MTSS1: variants seen among roughly 807,000 people sequenced by gnomAD.
MTSS1 encodes the protein MTSS I-BAR domain containing 1, also known as protein MTSS 1.
A neutral mutation model predicts 79.0 loss-of-function variants in MTSS1; 18 were observed. That is an observed-to-expected ratio of 0.23 (90% CI 0.16 to 0.34). The LOEUF (loss-of-function observed/expected upper bound fraction) is 0.34, where lower values mean the gene tolerates loss of function less well. MTSS1 is among the 10% of genes least tolerant of loss of function. The pLI, the probability that MTSS1 is intolerant of heterozygous loss-of-function variation, is 1.00. For missense variants in MTSS1, 815 were observed against 986.2 expected, an observed-to-expected ratio of 0.83 and a Z score of 2.33; for synonymous variants, 341 against 368.6, an observed-to-expected ratio of 0.93 and a Z score of 0.86.
chr8:124,630,514 A>G lies in MTSS1; in HGVS notation c.209-39279T>C, dbSNP rs1271131392. 3.3e-5 allele frequency among the ~76,000 whole-genome samples: 5 copies of G among 152,172 alleles called. No homozygotes were observed. The South Asian group carries it at 1.0e-3, about 32-fold the overall frequency. On this transcript the variant is annotated intron_variant, in intron 3 of 13. Transcript: ENST00000518547. ...GATCATGGAGCCCCAGCACTGCCTGACCCACTGCATCACCGCCCACATTTT... is the reference window on the plus strand; with the variant it reads ...GATCATGGAGCCCCAGCACTGCCTGGCCCACTGCATCACCGCCCACATTTT...
intron 3 of MTSS1, among the ~76,000 whole-genome samples, chr8:124,635,169 C>T (rs755083085): frequency 6.6e-6 from 1 of 152,142 alleles, no homozygotes; most frequent in Non-Finnish European, 1.5e-5. Flanking sequence ...GCTCTTTCTT[C>T]CTATAAGTAA....
At chr8:124,665,047 A>G (rs1054269294) in intron 3 of MTSS1, among the ~76,000 whole-genome samples, 1 of 151,898 alleles carries the variant, frequency 6.6e-6, no homozygotes, top group Non-Finnish European at 1.5e-5. Flanking sequence ...GGAAATAAGC[A>G]TTTTTTTTAT....
At chr8:124,567,739 C>A in intron 7 of MTSS1, 1 of 1,517,906 alleles carries the variant, frequency 6.6e-7, no homozygotes. Flanking sequence ...GACCACGGGC[C>A]GGGCTAGAAC....
At chr8:124,689,342 A>G (rs1827551524) in intron 3 of MTSS1, among the ~76,000 whole-genome samples, 1 of 152,158 alleles carries the variant, frequency 6.6e-6, no homozygotes, top group Non-Finnish European at 1.5e-5. Flanking sequence ...AGTATCTTCA[A>G]GTTCACATTT....
intron 1 of MTSS1, among the ~76,000 whole-genome samples, chr8:124,711,460 C>T (rs1390162703): frequency 6.6e-6 from 1 of 152,182 alleles, no homozygotes; most frequent in African/African-American, 2.4e-5. Context: ...CAAGTGTTCC[C>T]TGATTCTGGG....
chr8:124,568,960 G>T (rs910833025), intron 6 of MTSS1: 13 of 791,876 alleles, frequency 1.6e-5, no homozygotes, highest in Non-Finnish European at 2.0e-5. Context: ...GGCTGGCTTT[G>T]TTGGGTCAAT....
At chr8:124,666,026 G>A (rs1173408155) in intron 3 of MTSS1, among the ~76,000 whole-genome samples, 1 of 152,224 alleles carries the variant, frequency 6.6e-6, no homozygotes, top group East Asian at 1.9e-4. Context: ...TCACAAAGCT[G>A]TTGTGAGAAT....
chr8:124,694,407 G>A (rs1293613066), intron 3 of MTSS1, among the ~76,000 whole-genome samples: 9 of 151,888 alleles, frequency 5.9e-5, no homozygotes, highest in African/African-American at 2.2e-4. Context: ...TCCAATGCCT[G>A]AGGAAGGCAT....
intron 3 of MTSS1, among the ~76,000 whole-genome samples, chr8:124,617,738 A>T (rs1037326689): frequency 1.3e-5 from 2 of 152,156 alleles, no homozygotes; most frequent in African/African-American, 2.4e-5. Flanking sequence ...GACCTCAGAG[A>T]TCCAAGAAAG....
intron 3 of MTSS1, among the ~76,000 whole-genome samples, chr8:124,594,671 A>C (rs1832447399): frequency 6.6e-6 from 1 of 152,236 alleles, no homozygotes; most frequent in African/African-American, 2.4e-5. Flanking sequence ...AAAGAACCAC[A>C]AAGAAAACTT....
At position 124,555,894 on chromosome 8, in the gene MTSS1, T is replaced by C. The variant is rs1311008369; in HGVS notation, c.1415A>G (p.Glu472Gly). The stretch of plus-strand genomic sequence containing the variant: ...GGCCAGCTCCTCACAAGCCTCCATC[T>C]CCTCACCAGGCTGCAGGTTGGAGGA... ...TVSAATRPGE[E>G]MEACEELALA... Residue 472 changes from glutamate to glycine, a missense_variant, in exon 13 of 14, where the codon GAG (glutamate) becomes GGG (glycine). Physicochemically the swap from Glu to Gly is moderately conservative, Grantham distance 98. Around this residue, in one of 2 missense-constraint regions of MTSS1, gnomAD observed 590 missense variants for 620.8 expected, o/e 0.95. Coordinates refer to ENST00000518547, the MANE Select transcript of MTSS1 (RefSeq NM_014751.6). 1 of 1,607,970 alleles carries C rather than the reference T, an allele frequency of 6.2e-7. No individual in the cohort carries two copies.
intron 3 of MTSS1, among the ~76,000 whole-genome samples, chr8:124,684,163 AT>A (rs1268830013): frequency 1.3e-5 from 2 of 152,090 alleles, no homozygotes; most frequent in African/African-American, 2.4e-5. Context: ...TAAGCTTCTT[AT>A]TTTTTAGTGT....
chr8:124,653,618 G>A (rs774643407), intron 3 of MTSS1, among the ~76,000 whole-genome samples: 1 of 152,224 alleles, frequency 6.6e-6, no homozygotes, highest in Non-Finnish European at 1.5e-5. Flanking sequence ...CAGCTACTTG[G>A]GAGGCTGAGG....
At position 124,568,555 on chromosome 8, in the gene MTSS1, C is replaced by G; in HGVS notation, c.461-19G>C. On this transcript the variant is annotated intron_variant, in intron 6 of 13. Transcript: ENST00000518547. ...CCTCTCCCTGCAAAAAACAGAGACC[C>G]AAGCACGGCTTGCTGAAATACCAGC... is the stretch of plus-strand genomic sequence containing the variant. The G allele has an allele frequency of 6.2e-7, 1 of 1,614,146 alleles. No homozygotes were observed. Among genetic ancestry groups the G allele is most frequent in the African/African-American group, 1.3e-5 (1 of 75,028 alleles).
At position 124,553,336 on chromosome 8, in the gene MTSS1, C is replaced by T. The variant is rs368168972; in HGVS notation, c.1924G>A (p.Glu642Lys). 2.0e-5 allele frequency: 32 copies of T among 1,613,386 alleles called. No individual in the cohort carries two copies. Among genetic ancestry groups the T allele is most frequent in the African/African-American group, 2.7e-5 (2 of 74,878 alleles). The change falls in exon 14 of 14, where the codon GAG (glutamate) becomes AAG (lysine). Residue 642 changes from glutamate to lysine, a missense_variant. Glu to Lys is a moderately conservative substitution (Grantham distance 56, BLOSUM62 1). Around this residue, in one of 2 missense-constraint regions of MTSS1, gnomAD observed 590 missense variants for 620.8 expected, o/e 0.95. Transcript: ENST00000518547. The surrounding 1 kb of genome is among the most constrained non-coding windows in gnomAD (Gnocchi z 6.0). ...ACAGATGGCGACTCAGGGCTGTGCTCCCCCCGCTCTTCTGGCCCATCTGGA... is the reference window on the plus strand; with the variant it reads ...ACAGATGGCGACTCAGGGCTGTGCTTCCCCCGCTCTTCTGGCCCATCTGGA... ...APPDGPEERGEHSPESPSVGE... is the reference protein window; with the variant it reads ...APPDGPEERGKHSPESPSVGE...
chr8:124,720,869 A>C (rs1832807937), intron 1 of MTSS1, among the ~76,000 whole-genome samples: 1 of 152,208 alleles, frequency 6.6e-6, no homozygotes, highest in South Asian at 2.1e-4. Context: ...CTTCACAAGC[A>C]ATGTTTCACT....
chr8:124,606,529 C>A lies in MTSS1; in HGVS notation c.209-15294G>T, dbSNP rs763810492. ...GTTAAGTAACTTGCCCAAGGTCACA[C>A]AGAATTCAGAATTTACATCCAGGGC... On this transcript the variant is annotated intron_variant, in intron 3 of 13. Coordinates refer to ENST00000518547, the MANE Select transcript of MTSS1 (RefSeq NM_014751.6). Among the ~76,000 whole-genome samples the A allele has an allele frequency of 6.3e-4, 96 of 152,148 alleles. 1 individual carries two copies. The highest frequency in any genetic ancestry group is 8.8e-4 in the Non-Finnish European group (60 of 68,018).
chr8:124,691,762 G>A (rs950032886), intron 3 of MTSS1, among the ~76,000 whole-genome samples: 3 of 151,956 alleles, frequency 2.0e-5, no homozygotes, highest in African/African-American at 7.2e-5. Flanking sequence ...GTGATCCACC[G>A]GCCCCTGCCT....
At chr8:124,595,464 C>T (rs1333361600) in intron 3 of MTSS1, among the ~76,000 whole-genome samples, 1 of 152,180 alleles carries the variant, frequency 6.6e-6, no homozygotes, top group South Asian at 2.1e-4. Flanking sequence ...AGGCTGCCTG[C>T]ACTCCTTGGC....
Sources: gnomAD v4.1 joint callset for allele counts (sites outside exome capture counted in the v4.1 genomes callset) on GRCh38, gnomAD v4.1.1 for gene constraint, gnomAD v4.1.1 regional missense constraint, Gnocchi (gnomAD v3.1) non-coding constraint, MANE v1.5 for transcripts, NCBI Gene and HGNC (gene_info 2026-07-23, HGNC 2026-07-21) for gene names.